COL24A1: variants seen among roughly 807,000 people sequenced by gnomAD.
COL24A1 encodes the protein collagen alpha-1(XXIV) chain.
COL24A1 carries 224 observed loss-of-function variants against 253.9 expected under a neutral mutation model. The observed-to-expected ratio is 0.88, with a 90% CI of 0.79 to 0.99. The LOEUF (loss-of-function observed/expected upper bound fraction) is 0.99. Ranked by LOEUF, COL24A1 falls within the 50% of genes least tolerant of loss-of-function variation. COL24A1 has a pLI of 0.00. For missense variants in COL24A1, 2,131 were observed against 2,068.5 expected (o/e 1.03, Z -0.59); for synonymous variants, 685 against 673.7 (o/e 1.02, Z -0.26).
At chr1:85,820,656 G>C (rs1673528753) in intron 45 of COL24A1, among the ~76,000 whole-genome samples, 1 of 152,136 alleles carries the variant, frequency 6.6e-6, no homozygotes, top group African/African-American at 2.4e-5. Context: ...GAGTGAGTGG[G>C]GAAAACTCTA....
intron 53 of COL24A1, among the ~76,000 whole-genome samples, chr1:85,774,490 T>C (rs1294916121): frequency 6.6e-6 from 1 of 152,070 alleles, no homozygotes. Flanking sequence ...GCTGTGAATA[T>C]GTTTGGTCCT....
intron 32 of COL24A1, among the ~76,000 whole-genome samples, chr1:85,877,582 T>A (rs973746348): frequency 6.6e-6 from 1 of 152,190 alleles, no homozygotes; most frequent in African/African-American, 2.4e-5. Context: ...AGGCTGGTCA[T>A]GAACTCCTGA....
chr1:85,812,396 T>C (rs928776551), intron 47 of COL24A1, among the ~76,000 whole-genome samples: 7 of 152,186 alleles, frequency 4.6e-5, no homozygotes, highest in African/African-American at 1.7e-4. Context: ...GCATTGATTG[T>C]CAACATCAGC....
chr1:85,969,133 T>G (rs1691861772), intron 22 of COL24A1, among the ~76,000 whole-genome samples: 1 of 152,142 alleles, frequency 6.6e-6, no homozygotes, highest in South Asian at 2.1e-4. Context: ...GGAAGTAAAT[T>G]TTAAATAAGA....
chr1:86,147,219 A>G (rs1652007556), intron 1 of COL24A1, among the ~76,000 whole-genome samples: 1 of 152,158 alleles, frequency 6.6e-6, no homozygotes, highest in Non-Finnish European at 1.5e-5. Flanking sequence ...TACCTTTACC[A>G]ACTAGTATAA....
At chr1:86,017,062 A>G (rs1697058417) in intron 19 of COL24A1, 89 bp downstream of exon 19, 1 of 1,199,440 alleles carries the variant, frequency 8.3e-7, no homozygotes, top group Admixed American at 2.4e-5. Flanking sequence ...GATCTTTCTT[A>G]AGCTTGCTAT....
Position 85,956,658 on chromosome 1 carries a change from AACTT to A in COL24A1, c.2562+4587_2562+4590del, listed in dbSNP as rs1328406346. 2.0e-5 allele frequency among the ~76,000 whole-genome samples: 3 copies of A among 152,338 alleles called. No individual in the cohort carries two copies. The East Asian group carries it at 5.8e-4, about 29-fold the overall frequency. On this transcript the variant is annotated intron_variant, in intron 24 of 59. Coordinates refer to ENST00000370571, the MANE Select transcript of COL24A1 (RefSeq NM_152890.7). Reference sequence around the variant, plus strand: ...CGTGGGGCAGAAATGTGGCAACTGAAACTTAATGTAATCAAGGAAACTGTGAAAA... The same window carrying A: ...CGTGGGGCAGAAATGTGGCAACTGAAAATGTAATCAAGGAAACTGTGAAAA...
At position 85,889,588 on chromosome 1, in the gene COL24A1, G is replaced by A; in HGVS notation, c.2948C>T (p.Thr983Ile). The change falls in exon 32 of 60, where the codon ACA (threonine) becomes ATA (isoleucine). Residue 983 changes from threonine to isoleucine, a missense_variant. By Grantham distance (89) the Thr-to-Ile change is moderately conservative. Transcript: ENST00000370571. ...CTCTCCTGGAAGTCCTCTGTCACCTGTACTTCCAGGCAATCCCTGTAAACC... is the reference window on the plus strand; with the variant it reads ...CTCTCCTGGAAGTCCTCTGTCACCTATACTTCCAGGCAATCCCTGTAAACC... ...KPGLQGLPGSTGDRGLPGEPG... is the reference protein window; with the variant it reads ...KPGLQGLPGSIGDRGLPGEPG... 1.2e-6 allele frequency: 2 copies of A among 1,613,180 alleles called. No individual in the cohort carries two copies. The highest frequency in any genetic ancestry group is 1.7e-5 in the Admixed American group (1 of 59,956).
intron 19 of COL24A1, among the ~76,000 whole-genome samples, chr1:85,993,228 G>A (rs935880005): frequency 1.6e-4 from 25 of 151,982 alleles, no homozygotes; most frequent in African/African-American, 4.6e-4. Context: ...TATATTATGC[G>A]CTACATACAT....
intron 2 of COL24A1, among the ~76,000 whole-genome samples, chr1:86,144,717 G>T (rs1651637708): frequency 6.8e-6 from 1 of 147,164 alleles, no homozygotes; most frequent in African/African-American, 2.5e-5. Context: ...CTCAAATCTT[G>T]GTTCTTCCAT....
chr1:86,057,714 T>C (rs188847454), intron 10 of COL24A1, among the ~76,000 whole-genome samples: 9 of 152,320 alleles, frequency 5.9e-5, no homozygotes, highest in Admixed American at 5.9e-4. Flanking sequence ...CATTATGCTA[T>C]GGAAATAAAT....
At chr1:85,985,242 G>T (rs1693618131) in intron 20 of COL24A1, among the ~76,000 whole-genome samples, 1 of 151,700 alleles carries the variant, frequency 6.6e-6, no homozygotes, top group Non-Finnish European at 1.5e-5. Context: ...TTAGCTAGAT[G>T]CAGAAGGGCA....
intron 43 of COL24A1, among the ~76,000 whole-genome samples, chr1:85,829,580 T>C (rs7521691): frequency 0.43 from 65,494 of 151,388 alleles, 15,211 homozygotes; most frequent in African/African-American, 0.53. Context: ...TAGATTTGGT[T>C]TTTTCATATA....
At chr1:85,909,608 G>A (rs1685173548) in intron 26 of COL24A1, among the ~76,000 whole-genome samples, 1 of 151,808 alleles carries the variant, frequency 6.6e-6, no homozygotes, top group African/African-American at 2.4e-5. Context: ...AGAATAAGTA[G>A]AACTCTAATT....
intron 47 of COL24A1, among the ~76,000 whole-genome samples, chr1:85,801,792 A>G (rs944980811): frequency 3.3e-5 from 5 of 152,192 alleles, no homozygotes; most frequent in African/African-American, 1.2e-4. Context: ...AGGATATTTA[A>G]TTGCTAACTT....
Position 86,022,605 on chromosome 1 carries a change from T to C in COL24A1, c.2149-14A>G. The C allele has an allele frequency of 6.2e-7, 1 of 1,609,404 alleles. No individual in the cohort carries two copies. The highest frequency in any genetic ancestry group is 8.5e-7 in the Non-Finnish European group (1 of 1,178,220). ...GCCTTGTTCACCCTGGAAAGCACAA[T>C]TTCATGCAAAGATACTTATGTATCA... On this transcript the variant is annotated splice_polypyrimidine_tract_variant and intron_variant, in intron 16 of 59. Transcript: ENST00000370571.
chr1:85,894,278 G>C (rs1683431411), intron 31 of COL24A1, among the ~76,000 whole-genome samples: 1 of 152,116 alleles, frequency 6.6e-6, no homozygotes, highest in Non-Finnish European at 1.5e-5. Flanking sequence ...CATACACTAA[G>C]GTAATTTAAT....
At chr1:86,013,258 T>A (rs1571598329) in intron 19 of COL24A1, among the ~76,000 whole-genome samples, 2 of 152,280 alleles carry the variant, frequency 1.3e-5, no homozygotes, top group South Asian at 4.1e-4. Flanking sequence ...TATATGTAGG[T>A]CTCATCATTT....
chr1:86,128,117 T>A (rs1447249999), intron 2 of COL24A1, among the ~76,000 whole-genome samples: 2 of 151,988 alleles, frequency 1.3e-5, no homozygotes, highest in African/African-American at 4.8e-5. Context: ...AGGCCCCACA[T>A]AATCAACAAA....
Sources: allele counts gnomAD v4.1 joint callset (sites outside exome capture counted in the v4.1 genomes callset), GRCh38; gene constraint gnomAD v4.1.1; transcripts MANE v1.5; gene names NCBI Gene and HGNC (gene_info 2026-07-23, HGNC 2026-07-21).